Variants in NKAIN2 observed in about 807,000 individuals in gnomAD.
NKAIN2 encodes the protein sodium/potassium-transporting ATPase subunit beta-1-interacting protein 2.
Under a neutral mutation model 32.6 loss-of-function variants are expected in NKAIN2, and 14 were observed. That is an observed-to-expected ratio of 0.43 (90% CI 0.28 to 0.67). The LOEUF (loss-of-function observed/expected upper bound fraction) is 0.67. NKAIN2 is among the 30% of genes least tolerant of loss of function. The pLI is 0.17. For missense variants in NKAIN2, 198 were observed against 258.3 expected (o/e 0.77, Z 1.60); for synonymous variants, 80 against 87.2 (o/e 0.92, Z 0.46).
chr6:123,914,444 A>G (rs1222149361), intron 1 of NKAIN2, among the ~76,000 whole-genome samples: 6 of 152,148 alleles, frequency 3.9e-5, no homozygotes, highest in Admixed American at 2.0e-4. Flanking sequence ...TACTAATCCT[A>G]TCAGATCAGG....
intron 3 of NKAIN2, among the ~76,000 whole-genome samples, chr6:124,546,082 C>T (rs996438713): frequency 1.3e-5 from 2 of 152,096 alleles, no homozygotes; most frequent in African/African-American, 2.4e-5. Context: ...GTTAAAGTTC[C>T]GATGTTGTTA....
chr6:124,096,456 A>G (rs992055735), intron 1 of NKAIN2, among the ~76,000 whole-genome samples: 2 of 152,170 alleles, frequency 1.3e-5, no homozygotes, highest in Non-Finnish European at 2.9e-5. Context: ...GGCTTTCCTA[A>G]TTGTTTTTAG....
intron 1 of NKAIN2, among the ~76,000 whole-genome samples, chr6:124,220,079 T>C (rs1048052125): frequency 5.3e-5 from 8 of 152,148 alleles, no homozygotes; most frequent in Non-Finnish European, 1.2e-4. Flanking sequence ...GAATTGTAAT[T>C]CCCAGGTGTT....
chr6:124,410,259 T>A (rs1018530602), intron 3 of NKAIN2, among the ~76,000 whole-genome samples: 1 of 152,140 alleles, frequency 6.6e-6, no homozygotes, highest in African/African-American at 2.4e-5. Context: ...TTGCTCTTGC[T>A]TCTCTAGTTC....
chr6:124,251,029 CAAAT>C (rs1168985074), intron 1 of NKAIN2, among the ~76,000 whole-genome samples: 2 of 151,698 alleles, frequency 1.3e-5, no homozygotes, highest in Admixed American at 6.6e-5. Flanking sequence ...ACTTTCTAAA[CAAAT>C]AAAAATGAAG....
At chr6:124,487,148 A>C (rs1777685292) in intron 3 of NKAIN2, among the ~76,000 whole-genome samples, 1 of 152,098 alleles carries the variant, frequency 6.6e-6, no homozygotes, top group Non-Finnish European at 1.5e-5. Flanking sequence ...ATTTTTGGTC[A>C]GTGTTCCCAG....
chr6:124,018,740 C>G (rs948306563), intron 1 of NKAIN2, among the ~76,000 whole-genome samples: 15 of 152,182 alleles, frequency 9.9e-5, no homozygotes, highest in African/African-American at 3.6e-4. Context: ...CAACAACTCT[C>G]TAGAAAGTTC....
intron 1 of NKAIN2, among the ~76,000 whole-genome samples, chr6:123,862,754 G>A (rs1280793056): frequency 1.3e-5 from 2 of 151,960 alleles, no homozygotes; most frequent in African/African-American, 4.8e-5. Flanking sequence ...ACCCACAAAC[G>A]CACACAGCAT....
intron 3 of NKAIN2, among the ~76,000 whole-genome samples, chr6:124,383,149 C>A (rs775623572): frequency 6.6e-5 from 10 of 152,150 alleles, no homozygotes; most frequent in Non-Finnish European, 1.0e-4. Context: ...ATTTCTCCCC[C>A]AGGCACCCTT....
At chr6:124,342,316 G>C (rs1436542321) in intron 2 of NKAIN2, among the ~76,000 whole-genome samples, 2 of 151,334 alleles carry the variant, frequency 1.3e-5, no homozygotes, top group Non-Finnish European at 2.9e-5. Context: ...GGCTGAGGCA[G>C]GAGAATGGAG....
At chr6:124,212,029 T>G (rs115105460) in intron 1 of NKAIN2, among the ~76,000 whole-genome samples, 2,566 of 152,220 alleles carry the variant, frequency 0.017, 75 homozygotes, top group African/African-American at 0.059. Context: ...ATTTACAGTT[T>G]ATTGAATAAG....
chr6:124,210,051 TG>T (rs1444656747), intron 1 of NKAIN2, among the ~76,000 whole-genome samples: 2 of 151,746 alleles, frequency 1.3e-5, no homozygotes, highest in Non-Finnish European at 3.0e-5. Flanking sequence ...GTTTCCCTGA[TG>T]TTTTTTTTTC....
At chr6:124,412,682 C>A (rs2114503291) in intron 3 of NKAIN2, among the ~76,000 whole-genome samples, 1 of 152,284 alleles carries the variant, frequency 6.6e-6, no homozygotes, top group African/African-American at 2.4e-5. Context: ...GCTGGGAGAA[C>A]CACTACTCTC....
chr6:124,674,791 A>T (rs1773275373), intron 4 of NKAIN2, among the ~76,000 whole-genome samples: 1 of 151,978 alleles, frequency 6.6e-6, no homozygotes, highest in Admixed American at 6.6e-5. Context: ...AGATTATGTC[A>T]TCTGAGAACA....
intron 2 of NKAIN2, among the ~76,000 whole-genome samples, chr6:124,313,775 G>C (rs1023481031): frequency 3.4e-4 from 52 of 152,216 alleles, no homozygotes; most frequent in Admixed American, 2.6e-3. Context: ...TTTCCTTAAA[G>C]GATCTTTCAA....
At chr6:124,803,583 T>C (rs1780364841) in intron 5 of NKAIN2, among the ~76,000 whole-genome samples, 1 of 152,246 alleles carries the variant, frequency 6.6e-6, no homozygotes, top group African/African-American at 2.4e-5. Flanking sequence ...TATTTTTTTC[T>C]ACAGTATGTC....
At position 124,825,319 on chromosome 6, in the gene NKAIN2, C is replaced by T. The variant is rs1342511622; in HGVS notation, c.*2090C>T. The T allele has an allele frequency of 6.6e-6, 1 of 152,504 alleles. No homozygotes were observed. The highest frequency in any genetic ancestry group is 1.5e-5 in the Non-Finnish European group (1 of 68,004). The allele number at this position is 152,504 out of a possible 1,614,324, so 9.4% of individuals were successfully genotyped here. On this transcript the variant is annotated 3_prime_UTR_variant, in exon 7 of 7. Transcript: ENST00000368417. The stretch of plus-strand genomic sequence containing the variant: ...CACCAAATCACAACTATCATCACCA[C>T]CAAAATTTTAAAAAACAGTAGTTGA...
chr6:124,770,139 A>G (rs1455476429), intron 4 of NKAIN2, among the ~76,000 whole-genome samples: 2 of 152,214 alleles, frequency 1.3e-5, no homozygotes, highest in African/African-American at 4.8e-5. Context: ...GAAAAGGAAA[A>G]CATTAACAAA....
At chr6:124,458,949 A>T (rs1169916365) in intron 3 of NKAIN2, among the ~76,000 whole-genome samples, 1 of 151,874 alleles carries the variant, frequency 6.6e-6, no homozygotes, top group Non-Finnish European at 1.5e-5. Context: ...AGTTTCTTCT[A>T]CAGGTCCTTG....
Sources: allele counts gnomAD v4.1 joint callset (sites outside exome capture counted in the v4.1 genomes callset), GRCh38; gene constraint gnomAD v4.1.1; transcripts MANE v1.5; gene names NCBI Gene and HGNC (gene_info 2026-07-23, HGNC 2026-07-21).